DNM3: variants seen among roughly 807,000 people sequenced by gnomAD.
DNM3 encodes dynamin 3.
DNM3 carries 47 observed loss-of-function variants against 101.6 expected under a neutral mutation model. The ratio of observed to expected loss-of-function variants is 0.46; its 90% CI spans 0.37 to 0.59. The LOEUF is 0.59. Among genes scored for constraint, DNM3 ranks in the 20% least tolerant of loss-of-function variants. DNM3 has a pLI of 0.00. For synonymous variants in DNM3, 385 were observed against 387.9 expected (o/e 0.99, Z 0.09); for missense variants, 849 against 1,085.7 (o/e 0.78, Z 3.06).
rs528394405 is a variant in DNM3, at chr1:172,356,712, T to G, written c.1894-22306T>G. 2.6e-5 allele frequency among the ~76,000 whole-genome samples: 4 copies of G among 152,190 alleles called. No individual in the cohort carries two copies. The South Asian group carries it at 8.3e-4, about 32-fold the overall frequency. Reference sequence around the variant, plus strand: ...CAACACTGGAAGTACAGGACCTTTGTTTCTCTCCACCCACATGCTGGTGAC... The same window carrying G: ...CAACACTGGAAGTACAGGACCTTTGGTTCTCTCCACCCACATGCTGGTGAC... On this transcript the variant is annotated intron_variant, in intron 17 of 20. Coordinates refer to ENST00000627582, the MANE Select transcript of DNM3 (RefSeq NM_015569.5).
intron 1 of DNM3, among the ~76,000 whole-genome samples, chr1:171,871,615 CT>C (rs2035291194): frequency 1.3e-5 from 2 of 152,280 alleles, no homozygotes; most frequent in African/African-American, 4.8e-5. Context: ...CACCTTCCCC[CT>C]AGTAACTATT....
chr1:172,406,137 T>G (rs779596812), intron 20 of DNM3, among the ~76,000 whole-genome samples: 7 of 151,922 alleles, frequency 4.6e-5, no homozygotes, highest in Non-Finnish European at 7.4e-5. Context: ...GAGTTCAGTG[T>G]GATGACTAAT....
chr1:172,160,042 T>A (rs1387332061), intron 14 of DNM3, among the ~76,000 whole-genome samples: 19 of 139,318 alleles, frequency 1.4e-4, no homozygotes, highest in African/African-American at 4.3e-4. Flanking sequence ...AAAACTACAG[T>A]AAAAATACAG....
intron 1 of DNM3, among the ~76,000 whole-genome samples, chr1:171,891,347 T>TAAA (rs11367825): frequency 9.0e-5 from 13 of 144,848 alleles, no homozygotes; most frequent in South Asian, 6.4e-4. Context: ...GGGCAAGTGC[T>TAAA]AAAAAAAAAA....
At chr1:172,274,272 A>C (rs1022688423) in intron 15 of DNM3, among the ~76,000 whole-genome samples, 2 of 152,060 alleles carry the variant, frequency 1.3e-5, no homozygotes, top group Non-Finnish European at 2.9e-5. Context: ...GTGATGATGC[A>C]GGGCAGATGG....
At chr1:172,039,459 G>GTT (rs769961495) in intron 7 of DNM3, among the ~76,000 whole-genome samples, 4 of 144,638 alleles carry the variant, frequency 2.8e-5, no homozygotes, top group African/African-American at 1.0e-4. Flanking sequence ...AAAGGAAAGA[G>GTT]TTTTTTTTTT....
intron 4 of DNM3, among the ~76,000 whole-genome samples, chr1:172,015,386 T>A (rs2047385363): frequency 6.6e-6 from 1 of 152,200 alleles, no homozygotes; most frequent in African/African-American, 2.4e-5. Context: ...ATATTGAGTC[T>A]TTCTACTTGT....
chr1:172,141,909 T>C (rs2057604357), intron 14 of DNM3, among the ~76,000 whole-genome samples: 1 of 152,086 alleles, frequency 6.6e-6, no homozygotes, highest in East Asian at 1.9e-4. Context: ...CCGTTTTAGA[T>C]TGATCCTTTT....
intron 1 of DNM3, among the ~76,000 whole-genome samples, chr1:171,886,308 G>A (rs2036763541): frequency 6.6e-6 from 1 of 152,188 alleles, no homozygotes; most frequent in Non-Finnish European, 1.5e-5. Flanking sequence ...TCAGTACCAA[G>A]TACATGTGAC....
intron 10 of DNM3, among the ~76,000 whole-genome samples, chr1:172,066,208 T>C (rs1195751836): frequency 6.7e-6 from 1 of 149,198 alleles, no homozygotes; most frequent in Admixed American, 6.6e-5. Context: ...ACTCTGTGTG[T>C]GTGTGCATGT....
At chr1:172,329,997 C>T (rs933878611) in intron 17 of DNM3, among the ~76,000 whole-genome samples, 5 of 152,148 alleles carry the variant, frequency 3.3e-5, no homozygotes, top group African/African-American at 1.2e-4. Context: ...TAGGTGGTAA[C>T]GAGGAAGCCG....
At chr1:172,117,036 T>C (rs1284919375) in intron 13 of DNM3, among the ~76,000 whole-genome samples, 2 of 151,966 alleles carry the variant, frequency 1.3e-5, no homozygotes, top group Non-Finnish European at 1.5e-5. Flanking sequence ...AGAAACCCTG[T>C]CTCTACTAAA....
chr1:172,209,686 A>T (rs2060446625), intron 14 of DNM3, among the ~76,000 whole-genome samples: 1 of 152,090 alleles, frequency 6.6e-6, no homozygotes, highest in Non-Finnish European at 1.5e-5. Flanking sequence ...CTGCAGCTCC[A>T]GAAATGGCTT....
chr1:171,879,161 C>T (rs1015877924), intron 1 of DNM3, among the ~76,000 whole-genome samples: 2 of 152,164 alleles, frequency 1.3e-5, no homozygotes, highest in Non-Finnish European at 2.9e-5. Context: ...AACATATCTT[C>T]AGGGTCTGCC....
At chr1:171,987,880 A>T in intron 3 of DNM3, 75 bp downstream of exon 3, 1 of 1,367,420 alleles carries the variant, frequency 7.3e-7, no homozygotes. Flanking sequence ...CATCATTTGT[A>T]CAGAAGATAC....
chr1:172,151,315 C>T (rs989037573), intron 14 of DNM3, among the ~76,000 whole-genome samples: 2 of 152,134 alleles, frequency 1.3e-5, no homozygotes, highest in Non-Finnish European at 2.9e-5. Context: ...TAAAGGTTAA[C>T]ATGGAAATAC....
intron 2 of DNM3, among the ~76,000 whole-genome samples, chr1:171,970,573 T>C (rs778503870): frequency 2.0e-5 from 3 of 152,148 alleles, no homozygotes; most frequent in Non-Finnish European, 4.4e-5. Context: ...TGCTAAGATA[T>C]ATAATTATCC....
chr1:172,131,315 T>C (rs756221345), intron 14 of DNM3, 27 bp downstream of exon 14: 6 of 1,591,858 alleles, frequency 3.8e-6, no homozygotes, highest in Non-Finnish European at 5.2e-6. Context: ...GATAAAGTTT[T>C]CTTGTTAAAG....
At chr1:172,224,361 T>C (rs1211341091) in intron 14 of DNM3, among the ~76,000 whole-genome samples, 1 of 152,232 alleles carries the variant, frequency 6.6e-6, no homozygotes, top group African/African-American at 2.4e-5. Context: ...GAATTCATTT[T>C]AGTATTGTGG....
Sources: gnomAD v4.1 joint callset for allele counts (sites outside exome capture counted in the v4.1 genomes callset) on GRCh38, gnomAD v4.1.1 for gene constraint, MANE v1.5 for transcripts, NCBI Gene and HGNC (gene_info 2026-07-23, HGNC 2026-07-21) for gene names.